The following SEC14L2 variants were observed in gnomAD, a reference collection of about 807,000 sequenced individuals.
SEC14L2 encodes the protein SEC14 like lipid binding 2.
In SEC14L2, 50 loss-of-function variants were observed where a neutral mutation model predicts 56.9. That is an observed-to-expected ratio of 0.88 (90% CI 0.70 to 1.11). The LOEUF (loss-of-function observed/expected upper bound fraction) is 1.11, where lower values mean the gene tolerates loss of function less well. SEC14L2 is among the 50% of genes most tolerant of loss of function. The pLI, the probability that SEC14L2 is intolerant of heterozygous loss-of-function variation, is 0.00. For synonymous variants in SEC14L2, 179 were observed against 188.5 expected (o/e 0.95, Z 0.41); for missense variants, 414 against 500.7 (o/e 0.83, Z 1.65).
At chr22:30,399,864 C>T in intron 2 of SEC14L2, 146 bp downstream of exon 2, 1 of 614,988 alleles carries the variant, frequency 1.6e-6, no homozygotes, top group South Asian at 2.1e-5. Flanking sequence ...ATGACATAAG[C>T]TCAACCCTCC....
chr22:30,415,847 C>A lies in SEC14L2; in HGVS notation c.753C>A (p.Asn251Lys). The A allele has an allele frequency of 6.2e-7, 1 of 1,614,160 alleles. No individual in the cohort carries two copies. Among genetic ancestry groups the A allele is most frequent in the Non-Finnish European group, 8.5e-7 (1 of 1,180,020 alleles). The change falls in exon 9 of 12, where the codon AAC (asparagine) becomes AAA (lysine). Residue 251 changes from asparagine to lysine, a missense_variant. Physicochemically the swap from Asn to Lys is moderately conservative, Grantham distance 94. Coordinates refer to ENST00000615189, the MANE Select transcript of SEC14L2 (RefSeq NM_012429.5). ...GCACCATGACTGACCCTGATGGAAA[C>A]CCCAAGTGCAAATCCAAGGTATGAG... Reference protein sequence around the residue: ...YGGTMTDPDGNPKCKSKINYG... With the variant: ...YGGTMTDPDGKPKCKSKINYG...
chr22:30,424,747 G>A lies in SEC14L2; in HGVS notation c.*2340G>A, dbSNP rs1934622871. The A allele has an allele frequency of 2.2e-6, 1 of 456,468 alleles. No homozygotes were observed. 28.3% of individuals were successfully genotyped at this position (456,468 alleles called of 1,614,324 possible). A position where few individuals can be genotyped will look rare whatever the true frequency, so the allele number is the denominator to read the frequency against. ...ATTTGAACCCAGGATTGTCTCCAAC[G>A]CCGCTCAATTATACCCGCCAAGGAG... On this transcript the variant is annotated 3_prime_UTR_variant, in exon 12 of 12. Transcript: ENST00000615189.
intron 8 of SEC14L2, among the ~76,000 whole-genome samples, chr22:30,413,718 C>A (rs1250241948): frequency 6.6e-6 from 1 of 152,008 alleles, no homozygotes; most frequent in Non-Finnish European, 1.5e-5. Flanking sequence ...GCTAGTGAGA[C>A]CCGGGGAGTG....
intron 8 of SEC14L2, 131 bp downstream of exon 8, chr22:30,410,810 A>G: frequency 1.3e-6 from 1 of 783,738 alleles, no homozygotes; most frequent in Non-Finnish European, 2.2e-6. Flanking sequence ...GGGACCCAGG[A>G]GCAAGCTGGG....
chr22:30,404,399 A>G (rs1161267909), intron 2 of SEC14L2, among the ~76,000 whole-genome samples: 1 of 152,194 alleles, frequency 6.6e-6, no homozygotes, highest in African/African-American at 2.4e-5. Flanking sequence ...ACTGATTTTC[A>G]TAACGGCAGA....
Position 30,407,416 on chromosome 22 carries a change from T to C in SEC14L2, c.236T>C (p.Val79Ala), listed in dbSNP as rs1411720943. Reference sequence around the variant, plus strand: ...TGGCTCCTCTGTGTCTTTGCCCAGGTGATCCAACAGTATCTGTCAGGGGGT... The same window carrying C: ...TGGCTCCTCTGTGTCTTTGCCCAGGCGATCCAACAGTATCTGTCAGGGGGT... Reference protein sequence around the residue: ...DNIISWQPPEVIQQYLSGGMC... With the variant: ...DNIISWQPPEAIQQYLSGGMC... The change falls in exon 5 of 12, where the codon GTG (valine) becomes GCG (alanine). Residue 79 changes from valine to alanine, a missense_variant and splice_region_variant. Transcript: ENST00000615189. The C allele has an allele frequency of 6.2e-7, 1 of 1,612,092 alleles. No homozygotes were observed.
chr22:30,411,742 CAAAAAAAA>C (rs60530235), intron 8 of SEC14L2, among the ~76,000 whole-genome samples: 2 of 67,810 alleles, frequency 2.9e-5, no homozygotes, highest in Non-Finnish European at 2.5e-5. Context: ...GACTCCGTCT[CAAAAAAAA>C]AAAAAAAAAA....
Position 30,420,245 on chromosome 22 carries a change from G to A in SEC14L2, c.1082-2032G>A, listed in dbSNP as rs547158103. 4.6e-5 allele frequency among the ~76,000 whole-genome samples: 7 copies of A among 152,290 alleles called. No homozygotes were observed. In the East Asian group the frequency reaches 5.8e-4, roughly 13 times the overall value. On this transcript the variant is annotated intron_variant, in intron 11 of 11. Transcript: ENST00000615189. ...TGGGATTACAGGCGTGAGCCACCACGCCCAGCCAAATTGTGTGCTTTCATC... is the reference window on the plus strand; with the variant it reads ...TGGGATTACAGGCGTGAGCCACCACACCCAGCCAAATTGTGTGCTTTCATC...
chr22:30,397,989 C>G, intron 1 of SEC14L2: 1 of 422,326 alleles, frequency 2.4e-6, no homozygotes, highest in South Asian at 1.7e-5. Flanking sequence ...AGGAGGTCGG[C>G]TCTTCTCTGG....
intron 2 of SEC14L2, among the ~76,000 whole-genome samples, chr22:30,404,919 A>T (rs1934049670): frequency 6.6e-6 from 1 of 152,034 alleles, no homozygotes; most frequent in Non-Finnish European, 1.5e-5. Context: ...AAAATACAAA[A>T]ATTAGCCAGG....
At chr22:30,400,769 C>G (rs1231298265) in intron 2 of SEC14L2, among the ~76,000 whole-genome samples, 2 of 151,618 alleles carry the variant, frequency 1.3e-5, no homozygotes, top group Non-Finnish European at 2.9e-5. Context: ...GTGGCGGGCA[C>G]CTGTAATCCC....
intron 5 of SEC14L2, among the ~76,000 whole-genome samples, chr22:30,408,318 G>T (rs1232717399): frequency 6.6e-6 from 1 of 152,104 alleles, no homozygotes; most frequent in African/African-American, 2.4e-5. Context: ...AAGGATGGCT[G>T]GGTGTGGTGG....
At chr22:30,415,050 C>G (rs1007834214) in intron 8 of SEC14L2, among the ~76,000 whole-genome samples, 1 of 152,194 alleles carries the variant, frequency 6.6e-6, no homozygotes, top group African/African-American at 2.4e-5. Context: ...TCTACCCTTT[C>G]TTTGTCCCCT....
Position 30,424,513 on chromosome 22 carries a change from C to T in SEC14L2, c.*2106C>T, listed in dbSNP as rs1399367867. The T allele has an allele frequency of 2.9e-6, 1 of 344,216 alleles. No homozygotes were observed. Among genetic ancestry groups the T allele is most frequent in the African/African-American group, 2.2e-5 (1 of 46,400 alleles). 21.3% of individuals were successfully genotyped at this position (344,216 alleles called of 1,614,324 possible). ...CCTTTGATGAAAATAAGAGCTAATT[C>T]TTAATAAGGCCTACCGGGTATCACG... On this transcript the variant is annotated 3_prime_UTR_variant, in exon 12 of 12. Coordinates refer to ENST00000615189, the MANE Select transcript of SEC14L2 (RefSeq NM_012429.5).
At chr22:30,407,690 C>A in intron 5 of SEC14L2, 87 bp downstream of exon 5, 6 of 1,179,136 alleles carry the variant, frequency 5.1e-6, no homozygotes, top group Non-Finnish European at 7.1e-6. Context: ...AATATAAGCA[C>A]AGCTTCAGGG....
chr22:30,408,091 CAG>C (rs1199919482), intron 5 of SEC14L2, among the ~76,000 whole-genome samples: 15 of 146,006 alleles, frequency 1.0e-4, no homozygotes, highest in Non-Finnish European at 2.1e-4. Flanking sequence ...GCCTGGGCGA[CAG>C]AGACTCCATC....
chr22:30,417,916 A>G (rs1934427821), intron 11 of SEC14L2, among the ~76,000 whole-genome samples: 1 of 151,990 alleles, frequency 6.6e-6, no homozygotes, highest in Admixed American at 6.6e-5. Flanking sequence ...CTGTGGTACC[A>G]TATAGCTCCT....
At chr22:30,413,799 T>G (rs1356548582) in intron 8 of SEC14L2, among the ~76,000 whole-genome samples, 1 of 151,340 alleles carries the variant, frequency 6.6e-6, no homozygotes, top group Admixed American at 6.6e-5. Context: ...AAGCTCAAGC[T>G]CTGTTTTTTT....
intron 2 of SEC14L2, among the ~76,000 whole-genome samples, chr22:30,403,016 T>C (rs185312157): frequency 2.6e-5 from 4 of 152,274 alleles, no homozygotes; most frequent in Non-Finnish European, 4.4e-5. Flanking sequence ...AGTTTGAGAC[T>C]ATAGTGAGCT....
Sources: allele counts gnomAD v4.1 joint callset (sites outside exome capture counted in the v4.1 genomes callset), GRCh38; gene constraint gnomAD v4.1.1; transcripts MANE v1.5; gene names NCBI Gene and HGNC (gene_info 2026-07-23, HGNC 2026-07-21).